Variants in MACROD2 observed in about 807,000 individuals in gnomAD.
MACROD2 encodes mono-ADP ribosylhydrolase 2, also known as ADP-ribose glycohydrolase MACROD2.
A neutral mutation model predicts 70.4 loss-of-function variants in MACROD2; 36 were observed. That is an observed-to-expected ratio of 0.51 (90% CI 0.39 to 0.68). The LOEUF is 0.68. MACROD2 is among the 30% of genes least tolerant of loss of function. The probability of loss-of-function intolerance (pLI) is 0.00; values close to 1 mark genes in which losing one functional copy is unlikely to be tolerated. For missense variants in MACROD2, 496 were observed against 538.4 expected (o/e 0.92, Z 0.78); for synonymous variants, 172 against 178.8 (o/e 0.96, Z 0.30).
intron 4 of MACROD2, among the ~76,000 whole-genome samples, chr20:14,523,831 G>T (rs532390619): frequency 4.6e-5 from 7 of 152,284 alleles, no homozygotes; most frequent in African/African-American, 1.7e-4. Flanking sequence ...AGTATTTTGT[G>T]TCTATATGAG....
At chr20:15,467,950 G>A (rs1245606932) in intron 7 of MACROD2, among the ~76,000 whole-genome samples, 1 of 152,156 alleles carries the variant, frequency 6.6e-6, no homozygotes, top group Non-Finnish European at 1.5e-5. Context: ...TGTCTAGAAA[G>A]GGCAATCTGA....
intron 15 of MACROD2, among the ~76,000 whole-genome samples, chr20:16,017,955 T>C (rs1203361572): frequency 6.6e-6 from 1 of 152,128 alleles, no homozygotes; most frequent in East Asian, 1.9e-4. Flanking sequence ...GAGACAGATA[T>C]AATGTTTAAT....
intron 3 of MACROD2, among the ~76,000 whole-genome samples, chr20:14,260,781 G>A (rs1376459443): frequency 1.3e-5 from 2 of 152,150 alleles, no homozygotes; most frequent in Non-Finnish European, 2.9e-5. Flanking sequence ...ATATGCTCTT[G>A]TGAGCATTAA....
intron 3 of MACROD2, among the ~76,000 whole-genome samples, chr20:14,282,955 A>G (rs2082317973): frequency 6.6e-6 from 1 of 152,172 alleles, no homozygotes; most frequent in South Asian, 2.1e-4. Context: ...TTCAATGTAT[A>G]TTGAAGCCCA....
rs1029048512 is a variant in MACROD2, at chr20:15,322,893, A to G, written c.540+92832A>G. Among the ~76,000 whole-genome samples, 5 of 144,214 alleles carry G rather than the reference A, an allele frequency of 3.5e-5. 1 individual carries two copies. The highest frequency in any genetic ancestry group is 9.9e-5 in the African/African-American group (4 of 40,302). 94.6% of individuals were successfully genotyped at this position (144,214 alleles called of 152,430 possible). ...GAATCCATATTTGGAATCCATATTT[A>G]TAAGAAATGAAATGTGGTATCAAGG... On this transcript the variant is annotated intron_variant, in intron 6 of 17. Transcript: ENST00000684519.
At chr20:15,317,523 A>ATCTATCTG (rs142419875) in intron 6 of MACROD2, among the ~76,000 whole-genome samples, 18,042 of 148,900 alleles carry the variant, frequency 0.12, 1,240 homozygotes, top group Non-Finnish European at 0.16. Flanking sequence ...CTATCTATCT[A>ATCTATCTG]TCTGTCTATC....
At chr20:14,731,726 T>A (rs2071600258) in intron 5 of MACROD2, among the ~76,000 whole-genome samples, 1 of 152,170 alleles carries the variant, frequency 6.6e-6, no homozygotes, top group Non-Finnish European at 1.5e-5. Context: ...ATGAGTGATA[T>A]GTGCCTTTTT....
intron 8 of MACROD2, among the ~76,000 whole-genome samples, chr20:15,551,805 G>C (rs939678212): frequency 3.6e-4 from 54 of 149,064 alleles, no homozygotes; most frequent in African/African-American, 1.2e-3. Flanking sequence ...GGAGGTCAAG[G>C]CTGCAGTGAG....
intron 10 of MACROD2, among the ~76,000 whole-genome samples, chr20:15,886,890 AT>A (rs1265664467): frequency 6.6e-6 from 1 of 152,132 alleles, no homozygotes; most frequent in African/African-American, 2.4e-5. Flanking sequence ...CATAGTAAAG[AT>A]TCAGTAAATT....
At chr20:14,855,518 C>T (rs2073244401) in intron 5 of MACROD2, among the ~76,000 whole-genome samples, 1 of 149,930 alleles carries the variant, frequency 6.7e-6, no homozygotes, top group Non-Finnish European at 1.5e-5. Flanking sequence ...CTCAATAGTC[C>T]AACAAAACAA....
At chr20:14,146,202 C>T (rs1219357410) in intron 3 of MACROD2, among the ~76,000 whole-genome samples, 1 of 152,100 alleles carries the variant, frequency 6.6e-6, no homozygotes, top group Non-Finnish European at 1.5e-5. Flanking sequence ...CCTGTAGTCC[C>T]AGCTACTCAG....
intron 3 of MACROD2, among the ~76,000 whole-genome samples, chr20:14,167,975 A>G (rs1429559624): frequency 1.3e-5 from 2 of 152,156 alleles, no homozygotes; most frequent in African/African-American, 2.4e-5. Context: ...GAAATATCCA[A>G]TTAAAGTTGA....
chr20:14,850,079 T>G (rs912277998), intron 5 of MACROD2: 1 of 466,526 alleles, frequency 2.1e-6, no homozygotes, highest in Admixed American at 2.3e-5. Flanking sequence ...TCAATACTTG[T>G]GGCCAAAATA....
chr20:15,139,318 G>C (rs2076174084), intron 5 of MACROD2, among the ~76,000 whole-genome samples: 1 of 152,030 alleles, frequency 6.6e-6, no homozygotes. Context: ...CACCAGCATT[G>C]TTTATATTAG....
At chr20:14,737,879 A>G (rs2071686729) in intron 5 of MACROD2, among the ~76,000 whole-genome samples, 1 of 152,092 alleles carries the variant, frequency 6.6e-6, no homozygotes, top group South Asian at 2.1e-4. Context: ...ATAGTTTTCT[A>G]TAGCTAGGAA....
At chr20:14,101,783 A>G (rs919442578) in intron 3 of MACROD2, among the ~76,000 whole-genome samples, 11 of 146,328 alleles carry the variant, frequency 7.5e-5, no homozygotes, top group East Asian at 2.0e-4. Flanking sequence ...AGACTAAAAG[A>G]AAAAAAAAAC....
At chr20:14,181,694 T>C (rs982045173) in intron 3 of MACROD2, among the ~76,000 whole-genome samples, 2 of 152,108 alleles carry the variant, frequency 1.3e-5, no homozygotes, top group Non-Finnish European at 2.9e-5. Flanking sequence ...TCTCTATAAA[T>C]TGGCCTCTTC....
At chr20:15,295,898 G>A (rs1490499592) in intron 6 of MACROD2, among the ~76,000 whole-genome samples, 3 of 152,112 alleles carry the variant, frequency 2.0e-5, no homozygotes, top group Non-Finnish European at 2.9e-5. Context: ...CGAGACCCTC[G>A]GCTAATAGAA....
At chr20:14,337,106 T>C (rs961384738) in intron 3 of MACROD2, among the ~76,000 whole-genome samples, 1 of 152,232 alleles carries the variant, frequency 6.6e-6, no homozygotes, top group Non-Finnish European at 1.5e-5. Context: ...ATATTTAACA[T>C]TGAACTTTCC....
Sources: allele counts gnomAD v4.1 joint callset (sites outside exome capture counted in the v4.1 genomes callset), GRCh38; gene constraint gnomAD v4.1.1; transcripts MANE v1.5; gene names NCBI Gene and HGNC (gene_info 2026-07-23, HGNC 2026-07-21).